PAPPA2: variants seen among roughly 807,000 people sequenced by gnomAD.
PAPPA2 encodes pappalysin-2.
Under a neutral mutation model 176.4 loss-of-function variants are expected in PAPPA2, and 86 were observed. The observed-to-expected ratio is 0.49, with a 90% confidence interval of 0.41 to 0.58. The LOEUF (loss-of-function observed/expected upper bound fraction) is 0.58, where lower values mean the gene tolerates loss of function less well. PAPPA2 is among the 20% of genes least tolerant of loss of function. The pLI is 0.00. For synonymous variants in PAPPA2, 809 were observed against 852.2 expected, an observed-to-expected ratio of 0.95 and a Z score of 0.88; for missense variants, 2,073 against 2,256.9, an observed-to-expected ratio of 0.92 and a Z score of 1.65.
At chr1:176,490,701 C>T (rs561563118) in intron 1 of PAPPA2, among the ~76,000 whole-genome samples, 1 of 152,092 alleles carries the variant, frequency 6.6e-6, no homozygotes, top group Admixed American at 6.5e-5. Context: ...GAAGCCAGTG[C>T]AGGAATCAGC....
rs770605162 is a variant in PAPPA2 at position 176,711,837 on chromosome 1, T to C, written c.3654T>C (p.Ile1218=). ...SLVTGEPHSL[I]CTSYHPDLPN... ...TGTTGGTTGAAATTGTATTTCAGAT[T>C]TGCACATCATACCATCCAGATTTAC... Residue 1218 remains isoleucine, a splice_region_variant and synonymous_variant, in exon 12 of 23, where the codon ATT becomes ATC. Transcript: ENST00000367662. 6.2e-7 allele frequency: 1 copy of C among 1,600,438 alleles called. No homozygotes were observed. The highest frequency in any genetic ancestry group is 1.3e-5 in the African/African-American group (1 of 74,824).
chr1:176,810,088 T>A (rs1666082682), intron 21 of PAPPA2, among the ~76,000 whole-genome samples: 1 of 151,860 alleles, frequency 6.6e-6, no homozygotes, highest in Non-Finnish European at 1.5e-5. Flanking sequence ...AGCTCTTTGT[T>A]CTAAAAAGTG....
intron 2 of PAPPA2, among the ~76,000 whole-genome samples, chr1:176,589,125 C>T (rs1397661548): frequency 2.0e-5 from 3 of 152,012 alleles, no homozygotes; most frequent in Non-Finnish European, 4.4e-5. Flanking sequence ...AGGCCACATT[C>T]AAAACTTTTT....
chr1:176,768,388 A>G (rs1022690961), intron 15 of PAPPA2, among the ~76,000 whole-genome samples: 1 of 152,126 alleles, frequency 6.6e-6, no homozygotes, highest in Non-Finnish European at 1.5e-5. Context: ...AGGAGCATGC[A>G]TTATACAATA....
At chr1:176,572,176 ATTAAT>A (rs1652384958) in intron 2 of PAPPA2, among the ~76,000 whole-genome samples, 1 of 152,238 alleles carries the variant, frequency 6.6e-6, no homozygotes, top group Non-Finnish European at 1.5e-5. Context: ...GATGCCTCTG[ATTAAT>A]TTAAGCCTCT....
intron 3 of PAPPA2, among the ~76,000 whole-genome samples, chr1:176,597,092 A>T (rs1326853777): frequency 6.6e-6 from 1 of 152,150 alleles, no homozygotes; most frequent in African/African-American, 2.4e-5. Flanking sequence ...GTTAACACTA[A>T]TAGAGTGGCC....
At chr1:176,603,945 C>G (rs1213727943) in intron 3 of PAPPA2, among the ~76,000 whole-genome samples, 1 of 152,228 alleles carries the variant, frequency 6.6e-6, no homozygotes, top group African/African-American at 2.4e-5. Flanking sequence ...AAGCCAACAG[C>G]ATGACTCTGA....
chr1:176,721,840 T>C (rs1558542101), intron 12 of PAPPA2, among the ~76,000 whole-genome samples: 2 of 152,108 alleles, frequency 1.3e-5, no homozygotes, highest in Admixed American at 1.3e-4. Context: ...CTTCTGCTCA[T>C]TTACTTTTTT....
intron 2 of PAPPA2, among the ~76,000 whole-genome samples, chr1:176,559,133 C>G (rs967566704): frequency 6.6e-6 from 1 of 152,210 alleles, no homozygotes; most frequent in African/African-American, 2.4e-5. Flanking sequence ...CCTGCCAACA[C>G]TGCCACAGCA....
intron 1 of PAPPA2, among the ~76,000 whole-genome samples, chr1:176,519,319 C>T (rs1228073815): frequency 1.3e-5 from 2 of 152,104 alleles, no homozygotes; most frequent in Non-Finnish European, 1.5e-5. Flanking sequence ...ACTCGGCCCT[C>T]CCTGTAGGGC....
At position 176,745,105 on chromosome 1, in the gene PAPPA2, C is replaced by T. The variant is rs76502522; in HGVS notation, c.4151+4909C>T. ...CAATTTGTTTGTTGCCTCTTGGTTC[C>T]AAATCCACCCTCATCACATGTATTG... is the stretch of plus-strand genomic sequence containing the variant. On this transcript the variant is annotated intron_variant, in intron 14 of 22. Coordinates refer to ENST00000367662, the MANE Select transcript of PAPPA2 (RefSeq NM_020318.3). Among the ~76,000 whole-genome samples, 5 of 152,254 alleles carry T rather than the reference C, an allele frequency of 3.3e-5. No individual in the cohort carries two copies. The East Asian group carries it at 9.7e-4, about 29-fold the overall frequency.
In PAPPA2 at chr1:176,601,135, A is replaced by G. The variant is rs540295739; in HGVS notation, c.1991+5540A>G. Among the ~76,000 whole-genome samples, 5 of 152,302 alleles carry G rather than the reference A, an allele frequency of 3.3e-5. No homozygotes were observed. In the South Asian group the frequency reaches 1.0e-3, roughly 32 times the overall value. On this transcript the variant is annotated intron_variant, in intron 3 of 22. Transcript: ENST00000367662. ...GTGAATGGATTAATGCTGTTATCACAGGAGTGAGTTTCTGATAAAAAGATG... is the reference window on the plus strand; with the variant it reads ...GTGAATGGATTAATGCTGTTATCACGGGAGTGAGTTTCTGATAAAAAGATG...
intron 12 of PAPPA2, among the ~76,000 whole-genome samples, chr1:176,739,248 T>A (rs1473082438): frequency 6.6e-6 from 1 of 152,174 alleles, no homozygotes; most frequent in African/African-American, 2.4e-5. Flanking sequence ...TCCACTGTTT[T>A]CACTTTGGCA....
At chr1:176,623,618 C>CTTTTTTTCTTT (rs1558479058) in intron 3 of PAPPA2, among the ~76,000 whole-genome samples, 3 of 75,276 alleles carry the variant, frequency 4.0e-5, no homozygotes, top group Non-Finnish European at 7.8e-5. Context: ...TTCCTTCCTT[C>CTTTTTTTCTTT]CTTCCTTTTT....
At chr1:176,488,646 G>A (rs1204618681) in intron 1 of PAPPA2, among the ~76,000 whole-genome samples, 3 of 152,152 alleles carry the variant, frequency 2.0e-5, no homozygotes, top group African/African-American at 7.2e-5. Context: ...AGCAAACAGC[G>A]AGCACTTTGT....
At chr1:176,793,045 T>A (rs1023922137) in intron 19 of PAPPA2, among the ~76,000 whole-genome samples, 9 of 152,148 alleles carry the variant, frequency 5.9e-5, no homozygotes, top group Non-Finnish European at 1.0e-4. Flanking sequence ...CTGGAGTAAT[T>A]TTATAATTTC....
chr1:176,770,625 T>A (rs192057117), intron 16 of PAPPA2, among the ~76,000 whole-genome samples: 1 of 152,334 alleles, frequency 6.6e-6, no homozygotes, highest in Admixed American at 6.5e-5. Context: ...AAAAGTGTCA[T>A]CTACTATTAT....
chr1:176,492,977 C>G (rs1239018642), intron 1 of PAPPA2, among the ~76,000 whole-genome samples: 2 of 152,114 alleles, frequency 1.3e-5, no homozygotes, highest in African/African-American at 2.4e-5. Flanking sequence ...ATAATACCCT[C>G]TAGTGTGATC....
At chr1:176,539,095 C>T (rs1650231515) in intron 1 of PAPPA2, among the ~76,000 whole-genome samples, 1 of 152,112 alleles carries the variant, frequency 6.6e-6, no homozygotes, top group African/African-American at 2.4e-5. Context: ...TTTTATTTCC[C>T]TTCTGGATAA....
Sources: allele counts gnomAD v4.1 joint callset (sites outside exome capture counted in the v4.1 genomes callset), GRCh38; gene constraint gnomAD v4.1.1; transcripts MANE v1.5; gene names NCBI Gene and HGNC (gene_info 2026-07-23, HGNC 2026-07-21).